The following PRAG1 variants were observed in gnomAD, a reference collection of about 807,000 sequenced individuals.
PRAG1 encodes PEAK1 related, kinase-activating pseudokinase 1.
In PRAG1, 110 loss-of-function variants were observed where a neutral mutation model predicts 95.6. The observed-to-expected ratio is 1.15, with a 90% confidence interval of 0.99 to 1.35. The LOEUF is 1.35. Ranked by LOEUF, PRAG1 falls within the 40% of genes most tolerant of loss-of-function variation. The probability of loss-of-function intolerance (pLI) is 0.00; values close to 1 mark genes in which losing one functional copy is unlikely to be tolerated. For synonymous variants in PRAG1, 1,052 were observed against 819.4 expected (o/e 1.28, Z -4.85); for missense variants, 2,554 against 1,864.7 (o/e 1.37, Z -6.81).
rs7822898 is a variant in PRAG1 at position 8,319,342 on chromosome 8, A to G, written c.3073-40T>C. 4.6e-5 allele frequency: 68 copies of G among 1,468,706 alleles called. No homozygotes were observed. The African/African-American group carries it at 8.8e-4, about 19-fold the overall frequency. The allele number at this position is 1,468,706 out of a possible 1,614,324, so 91.0% of individuals were successfully genotyped here. ...AGAAGTGAAATCAAGAGTGGGGCCC[A>G]TGGTTCCGCCCAGCAAAGAGTGTGG... On this transcript the variant is annotated intron_variant, in intron 5 of 5. Coordinates refer to ENST00000615670, the MANE Select transcript of PRAG1 (RefSeq NM_001080826.3).
At chr8:8,383,147 G>T (rs1164912354) in intron 1 of PRAG1, among the ~76,000 whole-genome samples, 1 of 152,182 alleles carries the variant, frequency 6.6e-6, no homozygotes, top group Non-Finnish European at 1.5e-5. Flanking sequence ...CAGGTGGAAT[G>T]AGCCGGGTAC....
intron 3 of PRAG1, among the ~76,000 whole-genome samples, chr8:8,345,786 C>A (rs557465640): frequency 4.6e-5 from 7 of 152,078 alleles, no homozygotes; most frequent in African/African-American, 1.7e-4. Context: ...CAGAGCGAGA[C>A]TCTGTCTCAA....
At position 8,377,395 on chromosome 8, in the gene PRAG1, G is replaced by A. The variant is rs373334132; in HGVS notation, c.1014C>T (p.Ser338=). The change falls in exon 3 of 6, where the codon TCC becomes TCT. Residue 338 remains serine (S), a synonymous_variant. Transcript: ENST00000615670. ...LSLTSEAAIS[S]DGLSCGSGSG... ...TGCCGCTGCCACAAGAGAGGCCGTC[G>A]GAAGAAATGGCAGCCTCCGAGGTGA... 1.9e-3 allele frequency: 3,044 copies of A among 1,583,980 alleles called. 8 individuals are homozygous for A. Among genetic ancestry groups the A allele is most frequent in the Non-Finnish European group, 2.2e-3 (2,527 of 1,166,536 alleles).
At chr8:8,365,862 C>G (rs1195216237) in intron 3 of PRAG1, among the ~76,000 whole-genome samples, 6 of 149,404 alleles carry the variant, frequency 4.0e-5, no homozygotes, top group Non-Finnish European at 7.4e-5. Context: ...CCCCTGTAAT[C>G]CCAGCTACTT....
At chr8:8,371,850 G>A (rs751706706) in intron 3 of PRAG1, among the ~76,000 whole-genome samples, 18 of 152,178 alleles carry the variant, frequency 1.2e-4, no homozygotes, top group Non-Finnish European at 1.9e-4. Flanking sequence ...GGGCGGCAGA[G>A]TGAGATTCTG....
chr8:8,341,887 C>A (rs894373578), intron 3 of PRAG1, among the ~76,000 whole-genome samples: 2 of 152,150 alleles, frequency 1.3e-5, no homozygotes, highest in Admixed American at 1.3e-4. Context: ...AATCCCAGCA[C>A]TTTGGGAGGT....
chr8:8,329,445 G>A (rs1342114021), intron 4 of PRAG1, among the ~76,000 whole-genome samples: 1 of 152,010 alleles, frequency 6.6e-6, no homozygotes, highest in African/African-American at 2.4e-5. Context: ...CTTAGGATGT[G>A]TGCCCCTCAT....
At chr8:8,367,728 GC>G (rs1421662119) in intron 3 of PRAG1, among the ~76,000 whole-genome samples, 2 of 151,616 alleles carry the variant, frequency 1.3e-5, no homozygotes, top group African/African-American at 4.8e-5. Flanking sequence ...TGCAAGCTCC[GC>G]CTCCTGAGTT....
At chr8:8,356,700 C>A (rs1172299276) in intron 3 of PRAG1, among the ~76,000 whole-genome samples, 2 of 152,184 alleles carry the variant, frequency 1.3e-5, no homozygotes, top group East Asian at 1.9e-4. Flanking sequence ...TCCTAAAATT[C>A]ATATAAAACC....
rs17150657 is a variant in PRAG1, at chr8:8,370,565, G to C, written c.2162+5682C>G. On this transcript the variant is annotated intron_variant, in intron 3 of 5. Coordinates refer to ENST00000615670, the MANE Select transcript of PRAG1 (RefSeq NM_001080826.3). ...AGAGTATGGGATTTCCTAGTAAAAT[G>C]TTGCCACCCAACTGTCTGTCATCCA... Among the ~76,000 whole-genome samples, 222 of 152,296 alleles carry C rather than the reference G, an allele frequency of 1.5e-3. 2 individuals are homozygous for C. The highest frequency in any genetic ancestry group is 5.2e-3 in the African/African-American group (216 of 41,564).
chr8:8,327,642 G>T, intron 5 of PRAG1, 68 bp downstream of exon 5: 1 of 1,524,644 alleles, frequency 6.6e-7, no homozygotes, highest in Non-Finnish European at 8.9e-7. Context: ...ACTTGCTCAG[G>T]CCACAGTTCT....
At position 8,319,094 on chromosome 8, in the gene PRAG1, T is replaced by A; in HGVS notation, c.3281A>T (p.Glu1094Val). The part of the protein sequence containing the change: ...EQDCVVVITR[E>V]VPHQTASDFV... ...GTCGGAGGCGGTCTGATGTGGCACC[T>A]CTCGGGTGATGACCACCACGCAGTC... Residue 1094 changes from glutamate to valine, a missense_variant, in exon 6 of 6, where the codon GAG becomes GTG. By Grantham distance (121) the Glu-to-Val change is moderately radical (BLOSUM62 -2). Transcript: ENST00000615670. 6.2e-7 allele frequency: 1 copy of A among 1,610,044 alleles called. No individual in the cohort carries two copies. The highest frequency in any genetic ancestry group is 8.5e-7 in the Non-Finnish European group (1 of 1,179,494).
intron 1 of PRAG1, among the ~76,000 whole-genome samples, chr8:8,383,960 A>G (rs1185146188): frequency 6.6e-6 from 1 of 152,182 alleles, no homozygotes; most frequent in African/African-American, 2.4e-5. Flanking sequence ...TGATGGGTGA[A>G]GACTGTCTAC....
intron 4 of PRAG1, 135 bp downstream of exon 4, chr8:8,339,343 A>G: frequency 2.2e-6 from 2 of 913,630 alleles, no homozygotes; most frequent in East Asian, 2.6e-5. Flanking sequence ...AGCTCCCTGG[A>G]AGAGTCTACT....
At chr8:8,373,143 T>A (rs1029409403) in intron 3 of PRAG1, among the ~76,000 whole-genome samples, 1 of 152,158 alleles carries the variant, frequency 6.6e-6, no homozygotes, top group African/African-American at 2.4e-5. Flanking sequence ...TGTACTGGAA[T>A]TGGTGCCGGA....
At chr8:8,336,539 G>A (rs1798989342) in intron 4 of PRAG1, among the ~76,000 whole-genome samples, 1 of 152,206 alleles carries the variant, frequency 6.6e-6, no homozygotes, top group African/African-American at 2.4e-5. Flanking sequence ...AGATGCACTG[G>A]AGGAATATGT....
At position 8,376,335 on chromosome 8, in the gene PRAG1, T is replaced by G; in HGVS notation, c.2074A>C (p.Ser692Arg). 5 of 1,614,190 alleles carry G rather than the reference T, an allele frequency of 3.1e-6. No homozygotes were observed. Among genetic ancestry groups the G allele is most frequent in the Non-Finnish European group, 4.2e-6 (5 of 1,180,044 alleles). ...TCAAAGGCAAAAGAGGCGGATTTGCTCATCCCGGTCCCAACTTTGCTGTTC... is the reference window on the plus strand; with the variant it reads ...TCAAAGGCAAAAGAGGCGGATTTGCGCATCCCGGTCCCAACTTTGCTGTTC... ...GQNSKVGTGMSKSASFAFEFP... is the reference protein window; with the variant it reads ...GQNSKVGTGMRKSASFAFEFP... The change falls in exon 3 of 6, where the codon AGC (serine) becomes CGC (arginine). Residue 692 changes from serine (S) to arginine (R), a missense_variant. Coordinates refer to ENST00000615670, the MANE Select transcript of PRAG1 (RefSeq NM_001080826.3).
At chr8:8,330,030 G>A (rs1251762334) in intron 4 of PRAG1, among the ~76,000 whole-genome samples, 3 of 152,180 alleles carry the variant, frequency 2.0e-5, no homozygotes, top group Non-Finnish European at 2.9e-5. Flanking sequence ...AGACTATGGG[G>A]TCCTTGCACC....
At chr8:8,360,347 T>C (rs972490538) in intron 3 of PRAG1, among the ~76,000 whole-genome samples, 1 of 152,198 alleles carries the variant, frequency 6.6e-6, no homozygotes, top group Non-Finnish European at 1.5e-5. Flanking sequence ...CCTATGGCAC[T>C]TACTTTTACC....
Sources: allele counts gnomAD v4.1 joint callset (sites outside exome capture counted in the v4.1 genomes callset), GRCh38; gene constraint gnomAD v4.1.1; transcripts MANE v1.5; gene names NCBI Gene and HGNC (gene_info 2026-07-23, HGNC 2026-07-21).